Variants in NOL4 observed in about 807,000 individuals in gnomAD.
NOL4 encodes the protein nucleolar protein 4, also known as cancer/testis antigen 125.
Under a neutral mutation model 75.9 loss-of-function variants are expected in NOL4, and 17 were observed. That is an observed-to-expected ratio of 0.22 (90% CI 0.15 to 0.34). NOL4 has a LOEUF of 0.34. Ranked by LOEUF, NOL4 falls within the 10% of genes least tolerant of loss-of-function variation. The pLI is 1.00. For synonymous variants in NOL4, 292 were observed against 289.9 expected, an observed-to-expected ratio of 1.01 and a Z score of -0.07; for missense variants, 614 against 793.5, an observed-to-expected ratio of 0.77 and a Z score of 2.72.
chr18:33,917,267 C>T (rs755548521), intron 9 of NOL4, among the ~76,000 whole-genome samples: 3 of 151,902 alleles, frequency 2.0e-5, no homozygotes, highest in Non-Finnish European at 4.4e-5. Context: ...TGTTCAGCAG[C>T]TTGTCCAGAG....
intron 10 of NOL4, among the ~76,000 whole-genome samples, chr18:33,872,678 C>T (rs545680790): frequency 2.6e-5 from 4 of 152,038 alleles, no homozygotes; most frequent in African/African-American, 9.6e-5. Flanking sequence ...TCAGTAGGCT[C>T]TCACTATTTT....
At chr18:33,984,466 C>A (rs376220203) in intron 6 of NOL4, among the ~76,000 whole-genome samples, 3 of 152,020 alleles carry the variant, frequency 2.0e-5, no homozygotes, top group Admixed American at 2.0e-4. Flanking sequence ...GGAGGTGGGG[C>A]CTGGTGGGAG....
At chr18:34,059,790 T>C (rs1043139738) in intron 5 of NOL4, among the ~76,000 whole-genome samples, 3 of 152,144 alleles carry the variant, frequency 2.0e-5, no homozygotes, top group Non-Finnish European at 4.4e-5. Flanking sequence ...ACCAAGTAAA[T>C]GTCTCACTAT....
At chr18:34,184,102 C>A (rs2034267818) in intron 1 of NOL4, among the ~76,000 whole-genome samples, 1 of 151,840 alleles carries the variant, frequency 6.6e-6, no homozygotes, top group Admixed American at 6.6e-5. Flanking sequence ...TACACTTACA[C>A]ACACACACTC....
chr18:34,008,114 G>C lies in NOL4; in HGVS notation c.1056+11204C>G, dbSNP rs1210578137. Among the ~76,000 whole-genome samples, 3 of 151,932 alleles carry C rather than the reference G, an allele frequency of 2.0e-5. No individual in the cohort carries two copies. The East Asian group carries it at 5.8e-4, about 29-fold the overall frequency. On this transcript the variant is annotated intron_variant, in intron 6 of 10. Transcript: ENST00000261592. ...AATAAAAGAAAGAGGTGGAGAAAGG[G>C]CAAGTCCACTCCATTTTTGAGCTGC...
intron 1 of NOL4, among the ~76,000 whole-genome samples, chr18:34,176,035 A>G (rs1215050690): frequency 1.3e-5 from 2 of 152,146 alleles, no homozygotes; most frequent in Admixed American, 1.3e-4. Flanking sequence ...CTGGACAAAG[A>G]CTTTAAATCA....
intron 9 of NOL4, among the ~76,000 whole-genome samples, chr18:33,892,293 T>C (rs1482987032): frequency 1.3e-5 from 2 of 151,840 alleles, no homozygotes; most frequent in Non-Finnish European, 2.9e-5. Context: ...TGGCTGGTAA[T>C]GGTGGAATGT....
At chr18:34,132,472 G>GT (rs2080698796) in intron 1 of NOL4, among the ~76,000 whole-genome samples, 3 of 152,110 alleles carry the variant, frequency 2.0e-5, no homozygotes, top group Admixed American at 2.0e-4. Context: ...TGTTTGTCAG[G>GT]ATAATATTAA....
intron 5 of NOL4, among the ~76,000 whole-genome samples, chr18:34,030,616 T>C (rs920941863): frequency 6.6e-6 from 1 of 152,194 alleles, no homozygotes; most frequent in African/African-American, 2.4e-5. Context: ...AAATTACAGC[T>C]AGATAGGAGA....
chr18:33,856,477 GTT>G (rs2062841260), intron 10 of NOL4, among the ~76,000 whole-genome samples: 3 of 151,958 alleles, frequency 2.0e-5, no homozygotes, highest in Non-Finnish European at 4.4e-5. Context: ...AAATAATCAT[GTT>G]TGCTTTACCA....
intron 8 of NOL4, among the ~76,000 whole-genome samples, chr18:33,943,677 A>G (rs954747540): frequency 1.3e-5 from 2 of 151,912 alleles, no homozygotes; most frequent in African/African-American, 4.8e-5. Context: ...TGATGTGATT[A>G]CAATGGTTTT....
In NOL4 at chr18:34,065,857, C is replaced by A. The variant is rs956791120; in HGVS notation, c.772+27608G>T. On this transcript the variant is annotated intron_variant, in intron 5 of 10. Coordinates refer to ENST00000261592, the MANE Select transcript of NOL4 (RefSeq NM_003787.5). ...CTAAGAATTTTCAAAACACCTGTTT[C>A]TTTGGTTTAGTTGAGGACTTCGGCT... Among the ~76,000 whole-genome samples, 25 of 151,846 alleles carry A rather than the reference C, an allele frequency of 1.6e-4. 1 individual carries two copies. Among genetic ancestry groups the A allele is most frequent in the Admixed American group, 1.6e-3 (25 of 15,252 alleles).
intron 9 of NOL4, among the ~76,000 whole-genome samples, chr18:33,911,094 G>A (rs915139850): frequency 2.0e-5 from 3 of 151,988 alleles, no homozygotes; most frequent in African/African-American, 7.2e-5. Context: ...GACAGTTTTT[G>A]TTGGTTGACA....
intron 5 of NOL4, among the ~76,000 whole-genome samples, chr18:34,031,232 C>T (rs76296692): frequency 7.4e-4 from 113 of 152,276 alleles, no homozygotes; most frequent in African/African-American, 2.6e-3. Flanking sequence ...TTGTATCTAG[C>T]GCAGTGCTAG....
intron 10 of NOL4, among the ~76,000 whole-genome samples, chr18:33,866,274 G>T (rs1184036580): frequency 6.6e-6 from 1 of 151,990 alleles, no homozygotes; most frequent in Non-Finnish European, 1.5e-5. Context: ...CAAATCTCCT[G>T]GACTTGCTTT....
At chr18:33,982,901 C>G (rs1416393028) in intron 6 of NOL4, among the ~76,000 whole-genome samples, 1 of 151,870 alleles carries the variant, frequency 6.6e-6, no homozygotes, top group African/African-American at 2.4e-5. Context: ...CAGGCATGTA[C>G]CACCACACGT....
rs1274108362 is a variant in NOL4 at position 34,223,961 on chromosome 18, AT to A, written c.-709del. 1 of 152,248 alleles carries A rather than the reference AT, an allele frequency of 6.6e-6. No homozygotes were observed. The highest frequency in any genetic ancestry group is 1.9e-4 in the East Asian group (1 of 5,194). The allele number at this position is 152,248 out of a possible 1,614,324, so 9.4% of individuals were successfully genotyped here. The stretch of plus-strand genomic sequence containing the variant: ...GTTTTACAGAATTTTTTATCAAGAT[AT>A]TTTTTAAAACGGTTTAAAATGTCAT... On this transcript the variant is annotated 5_prime_UTR_variant, in exon 1 of 11. Coordinates refer to ENST00000261592, the MANE Select transcript of NOL4 (RefSeq NM_003787.5).
chr18:33,983,880 C>T (rs1287630600), intron 6 of NOL4, among the ~76,000 whole-genome samples: 1 of 151,728 alleles, frequency 6.6e-6, no homozygotes, highest in Non-Finnish European at 1.5e-5. Flanking sequence ...CAAATATTGA[C>T]AATTTTAAGT....
intron 2 of NOL4, among the ~76,000 whole-genome samples, chr18:34,126,732 G>C (rs961713228): frequency 2.0e-5 from 3 of 152,058 alleles, no homozygotes; most frequent in Non-Finnish European, 4.4e-5. Flanking sequence ...AACACTGGAA[G>C]ACAAAACAGG....
Sources: gnomAD v4.1 joint callset for allele counts (sites outside exome capture counted in the v4.1 genomes callset) on GRCh38, gnomAD v4.1.1 for gene constraint, MANE v1.5 for transcripts, NCBI Gene and HGNC (gene_info 2026-07-23, HGNC 2026-07-21) for gene names.